Variants in MAP4 observed in about 807,000 individuals in gnomAD.
MAP4 encodes the protein microtubule associated protein 4.
In MAP4, 76 loss-of-function variants were observed where a neutral mutation model predicts 170.2. The ratio of observed to expected loss-of-function variants is 0.45; its 90% CI spans 0.37 to 0.54. The LOEUF (loss-of-function observed/expected upper bound fraction) is 0.54. MAP4 is among the 20% of genes least tolerant of loss of function. The probability of loss-of-function intolerance (pLI) is 0.00; values close to 1 mark genes in which losing one functional copy is unlikely to be tolerated. For synonymous variants in MAP4, 909 were observed against 994.5 expected, an observed-to-expected ratio of 0.91 and a Z score of 1.62; for missense variants, 2,506 against 2,748.0, an observed-to-expected ratio of 0.91 and a Z score of 1.97.
At chr3:47,854,865 G>T (rs1466771728) in intron 19 of MAP4, among the ~76,000 whole-genome samples, 2 of 152,150 alleles carry the variant, frequency 1.3e-5, no homozygotes, top group African/African-American at 4.8e-5. Context: ...CCTGACATGG[G>T]GCGGGAACCC....
At chr3:48,010,245 G>A (rs1186015850) in intron 1 of MAP4, among the ~76,000 whole-genome samples, 1 of 152,202 alleles carries the variant, frequency 6.6e-6, no homozygotes, top group Non-Finnish European at 1.5e-5. Context: ...AATACAGAAT[G>A]GGTAGAAGAA....
chr3:48,003,963 G>A (rs1409326707), intron 1 of MAP4, among the ~76,000 whole-genome samples: 1 of 152,156 alleles, frequency 6.6e-6, no homozygotes, highest in East Asian at 1.9e-4. Flanking sequence ...CGGACTCCAC[G>A]TTCTTCAGTT....
intron 3 of MAP4, among the ~76,000 whole-genome samples, chr3:47,951,108 AG>A (rs2100063459): frequency 6.6e-6 from 1 of 152,190 alleles, no homozygotes; most frequent in South Asian, 2.1e-4. Flanking sequence ...TAATTTATAA[AG>A]GTTTTAAAAT....
In MAP4 at chr3:48,074,676, TTGTGTGTGTGTGTGTGTG is replaced by T. The variant is rs555691222; in HGVS notation, c.-20+14079_-20+14096del. On this transcript the variant is annotated intron_variant, in intron 1 of 18. Coordinates refer to the MAP4 transcript ENST00000360240. The stretch of plus-strand genomic sequence containing the variant: ...GGGGCAAGCCACCACATCCAGCTAA[TTGTGTGTGTGTGTGTGTG>T]TGTGTGTGTGTGTGTGTGTGTGTGT... 9.3e-4 allele frequency among the ~76,000 whole-genome samples: 84 copies of T among 90,638 alleles called. No homozygotes were observed. In the South Asian group the frequency reaches 0.016, roughly 17 times the overall value. The allele number at this position is 90,638 out of a possible 152,430, so 59.5% of individuals were successfully genotyped here.
chr3:47,976,322 C>T (rs1041398718), intron 3 of MAP4, among the ~76,000 whole-genome samples: 2 of 152,154 alleles, frequency 1.3e-5, no homozygotes, highest in Admixed American at 6.5e-5. Flanking sequence ...GGCCTGGCAG[C>T]GGTAAGCACC....
At chr3:47,891,336 TG>T in intron 10 of MAP4, 1 of 1,536,186 alleles carries the variant, frequency 6.5e-7, no homozygotes, top group Non-Finnish European at 8.7e-7. Context: ...TCCTCACAGA[TG>T]AAAGGAGGTA....
Position 47,957,417 on chromosome 3 carries a change from C to T in MAP4, c.292+20448G>A, listed in dbSNP as rs1421469050. 3.9e-5 allele frequency among the ~76,000 whole-genome samples: 6 copies of T among 151,992 alleles called. No individual in the cohort carries two copies. In the East Asian group the frequency reaches 9.7e-4, roughly 24 times the overall value. On this transcript the variant is annotated intron_variant, in intron 3 of 20. Coordinates refer to ENST00000683076, the MANE Select transcript of MAP4 (RefSeq NM_001385682.1). ...AACTCCTAACCTCAGGCAATCTGCCCGCCTCAGCCTCCCAAAGTGCTGGGA... is the reference window on the plus strand; with the variant it reads ...AACTCCTAACCTCAGGCAATCTGCCTGCCTCAGCCTCCCAAAGTGCTGGGA...
In MAP4 at chr3:47,955,479, CACTA is replaced by C. The variant is rs1244425082; in HGVS notation, c.292+22382_292+22385del. Among the ~76,000 whole-genome samples, 25 of 145,138 alleles carry C rather than the reference CACTA, an allele frequency of 1.7e-4. 1 individual carries two copies. In the South Asian group the frequency reaches 4.0e-3, roughly 23 times the overall value. On this transcript the variant is annotated intron_variant, in intron 3 of 20. Transcript: ENST00000683076. ...ACACACACACACACACACACACACA[CACTA>C]GTCAACTATACTGACATTATGCTAA...
intron 10 of MAP4, among the ~76,000 whole-genome samples, chr3:47,878,507 TTAAGTA>T (rs1463245542): frequency 6.6e-6 from 1 of 152,140 alleles, no homozygotes; most frequent in Non-Finnish European, 1.5e-5. Context: ...ATGTACAATG[TTAAGTA>T]TAAGAAAAAT....
At chr3:47,953,100 G>A (rs1257544638) in intron 3 of MAP4, among the ~76,000 whole-genome samples, 4 of 152,144 alleles carry the variant, frequency 2.6e-5, no homozygotes, top group Non-Finnish European at 5.9e-5. Context: ...GGAGGGAATT[G>A]ATAGAGTGAT....
At chr3:47,883,316 C>T (rs968005514) in intron 10 of MAP4, among the ~76,000 whole-genome samples, 6 of 152,134 alleles carry the variant, frequency 3.9e-5, no homozygotes, top group Admixed American at 1.3e-4. Context: ...CTCCACCTCC[C>T]GAGTTCAAGC....
chr3:48,000,153 T>TA (rs2100098313), intron 1 of MAP4, among the ~76,000 whole-genome samples: 1 of 134,976 alleles, frequency 7.4e-6, no homozygotes, highest in Admixed American at 8.6e-5. Context: ...AGATGGAGGC[T>TA]ACAGTGAACC....
intron 3 of MAP4, among the ~76,000 whole-genome samples, chr3:47,955,586 A>T (rs1021448177): frequency 6.6e-6 from 1 of 152,138 alleles, no homozygotes; most frequent in African/African-American, 2.4e-5. Context: ...ATGCGAGATA[A>T]ACCCTACAAA....
intron 17 of MAP4, among the ~76,000 whole-genome samples, chr3:47,858,556 G>A (rs2060192698): frequency 6.6e-6 from 1 of 151,410 alleles, no homozygotes; most frequent in Non-Finnish European, 1.5e-5. Context: ...CCTTTTCAAT[G>A]CATTTTCCCC....
At chr3:47,935,956 A>T (rs184365960) in intron 3 of MAP4, among the ~76,000 whole-genome samples, 6,408 of 150,826 alleles carry the variant, frequency 0.042, 296 homozygotes, top group Admixed American at 0.13. Flanking sequence ...AAAAAAAAAA[A>T]ATATTAGGAA....
At chr3:47,864,371 T>C (rs543138382) in intron 17 of MAP4, among the ~76,000 whole-genome samples, 10 of 152,256 alleles carry the variant, frequency 6.6e-5, no homozygotes, top group Admixed American at 3.9e-4. Flanking sequence ...CAAAACCCCG[T>C]CTCTACTAAA....
At position 47,855,124 on chromosome 3, in the gene MAP4, G is replaced by A. The variant is rs540523196; in HGVS notation, c.6696+124C>T. The A allele has an allele frequency of 2.1e-5, 14 of 678,008 alleles. No individual in the cohort carries two copies. The highest frequency in any genetic ancestry group is 3.5e-5 in the Non-Finnish European group (13 of 372,492). The allele number at this position is 678,008 out of a possible 1,614,324, so 42.0% of individuals were successfully genotyped here. On this transcript the variant is annotated intron_variant, in intron 19 of 20. Transcript: ENST00000683076. This position sits in a 1 kb window ranked among gnomAD's most constrained non-coding sequence, Gnocchi z 5.1. ...CGGTGGGAAAACGGCAATGGTGTGGGTGAAGACATGACTCCTGAAGAGACT... is the reference window on the plus strand; with the variant it reads ...CGGTGGGAAAACGGCAATGGTGTGGATGAAGACATGACTCCTGAAGAGACT...
chr3:47,980,903 A>G (rs2100085064), intron 2 of MAP4, among the ~76,000 whole-genome samples: 2 of 152,258 alleles, frequency 1.3e-5, no homozygotes, highest in Admixed American at 6.5e-5. Context: ...AGCGAGTGGT[A>G]TAAGAGCAGC....
chr3:48,083,084 TGG>T (rs2100147404), intron 1 of MAP4, among the ~76,000 whole-genome samples: 1 of 152,200 alleles, frequency 6.6e-6, no homozygotes, highest in South Asian at 2.1e-4. Context: ...AAATGCAATG[TGG>T]TATCCTGGAT....
Sources: allele counts gnomAD v4.1 joint callset (sites outside exome capture counted in the v4.1 genomes callset), GRCh38; gene constraint gnomAD v4.1.1; non-coding constraint Gnocchi (gnomAD v3.1); transcripts MANE v1.5; gene names NCBI Gene and HGNC (gene_info 2026-07-23, HGNC 2026-07-21).